The following ASIC2 variants were observed in gnomAD, a reference collection of about 807,000 sequenced individuals.
The protein encoded by ASIC2 is acid-sensing ion channel 2.
A neutral mutation model predicts 57.3 loss-of-function variants in ASIC2; 25 were observed. The ratio of observed to expected loss-of-function variants is 0.44; its 90% CI spans 0.32 to 0.61. ASIC2 has a LOEUF of 0.61. Among genes scored for constraint, ASIC2 ranks in the 20% least tolerant of loss-of-function variants. The probability of loss-of-function intolerance (pLI) is 0.06; values close to 1 mark genes in which losing one functional copy is unlikely to be tolerated. For synonymous variants in ASIC2, 319 were observed against 307.5 expected (o/e 1.04, Z -0.39); for missense variants, 641 against 738.1 (o/e 0.87, Z 1.52).
intron 1 of ASIC2, among the ~76,000 whole-genome samples, chr17:33,368,854 C>T (rs1908928622): frequency 1.3e-5 from 2 of 152,196 alleles, no homozygotes; most frequent in African/African-American, 2.4e-5. Flanking sequence ...ATGCCACAAA[C>T]TTTCCACAGG....
intron 1 of ASIC2, among the ~76,000 whole-genome samples, chr17:33,615,301 C>A (rs1039877831): frequency 1.8e-4 from 28 of 152,130 alleles, no homozygotes; most frequent in Admixed American, 2.6e-4. Context: ...CTTAAAAGTA[C>A]CTGTTATTTC....
intron 1 of ASIC2, among the ~76,000 whole-genome samples, chr17:33,724,449 G>A (rs12603161): frequency 0.095 from 14,499 of 152,210 alleles, 792 homozygotes; most frequent in East Asian, 0.16. Context: ...AGTAGACATT[G>A]GTGAGATCCA....
intron 1 of ASIC2, among the ~76,000 whole-genome samples, chr17:34,131,646 C>T (rs1567833105): frequency 6.6e-6 from 1 of 152,224 alleles, no homozygotes; most frequent in Non-Finnish European, 1.5e-5. Flanking sequence ...TGAGCCTAAA[C>T]CCTGTCCACA....
intron 3 of ASIC2, among the ~76,000 whole-genome samples, chr17:33,037,553 G>A (rs2091914361): frequency 6.6e-6 from 1 of 152,074 alleles, no homozygotes; most frequent in African/African-American, 2.4e-5. Flanking sequence ...TTACCAATGA[G>A]TGTCTGAAAG....
At chr17:33,516,720 T>C (rs925536722) in intron 1 of ASIC2, among the ~76,000 whole-genome samples, 22 of 152,336 alleles carry the variant, frequency 1.4e-4, no homozygotes, top group African/African-American at 5.3e-4. Context: ...TTTTGTCTCC[T>C]TGGAGGTGCC....
intron 1 of ASIC2, among the ~76,000 whole-genome samples, chr17:34,030,697 CAGG>C (rs773345332): frequency 6.6e-6 from 1 of 152,194 alleles, no homozygotes; most frequent in Non-Finnish European, 1.5e-5. Flanking sequence ...AACGGCACAC[CAGG>C]AGATTATATC....
intron 1 of ASIC2, among the ~76,000 whole-genome samples, chr17:33,839,476 T>C (rs533739729): frequency 3.9e-5 from 6 of 152,074 alleles, no homozygotes; most frequent in African/African-American, 1.4e-4. Flanking sequence ...ATTTATTGTC[T>C]CCCAGCCCCA....
chr17:33,341,137 A>T (rs1907705082), intron 1 of ASIC2, among the ~76,000 whole-genome samples: 1 of 152,176 alleles, frequency 6.6e-6, no homozygotes, highest in Non-Finnish European at 1.5e-5. Context: ...GTGGTAATCA[A>T]ATGTTAGTGT....
At chr17:33,904,450 T>C (rs1415090912) in intron 1 of ASIC2, among the ~76,000 whole-genome samples, 2 of 152,190 alleles carry the variant, frequency 1.3e-5, no homozygotes, top group Non-Finnish European at 2.9e-5. Flanking sequence ...TTTAAAAATA[T>C]AGGTATCTGA....
At chr17:34,140,294 A>G (rs11080253) in intron 1 of ASIC2, among the ~76,000 whole-genome samples, 29,657 of 152,096 alleles carry the variant, frequency 0.19, 3,559 homozygotes, top group South Asian at 0.36. Context: ...GCGGGGACCA[A>G]TATGGAAGGA....
intron 1 of ASIC2, among the ~76,000 whole-genome samples, chr17:33,610,054 G>GCGCATGCACACA (rs375575593): frequency 3.1e-4 from 45 of 144,848 alleles, no homozygotes; most frequent in Non-Finnish European, 4.4e-4. Context: ...GGACAGAGGC[G>GCGCATGCACACA]CACACACACA....
chr17:34,039,841 C>T, intron 1 of ASIC2: 1 of 1,606,952 alleles, frequency 6.2e-7, no homozygotes, highest in South Asian at 1.1e-5. Flanking sequence ...TTTCTGCCGT[C>T]GTGGGTCCAG....
chr17:33,646,383 G>A (rs935861179), intron 1 of ASIC2, among the ~76,000 whole-genome samples: 5 of 152,202 alleles, frequency 3.3e-5, no homozygotes, highest in Non-Finnish European at 5.9e-5. Context: ...TGATTGGCCA[G>A]ATCCCAAGAT....
Position 33,235,324 on chromosome 17 carries a change from C to T in ASIC2, c.708+56084G>A, listed in dbSNP as rs1908252743. Among the ~76,000 whole-genome samples, 6 of 152,302 alleles carry T rather than the reference C, an allele frequency of 3.9e-5. No homozygotes were observed. The South Asian group carries it at 1.2e-3, about 32-fold the overall frequency. ...AGGGCTCCACTCCTGGCCTCCCTCC[C>T]TGTGGGGCTGACGTGGGAGGGAGTT... On this transcript the variant is annotated intron_variant, in intron 1 of 9. Transcript: ENST00000225823.
At chr17:33,107,293 G>C (rs947347399) in intron 2 of ASIC2, among the ~76,000 whole-genome samples, 1 of 152,202 alleles carries the variant, frequency 6.6e-6, no homozygotes, top group African/African-American at 2.4e-5. Flanking sequence ...GAAGGTTTCT[G>C]TGGTCAAAGG....
At chr17:33,905,175 G>C (rs1008162904) in intron 1 of ASIC2, among the ~76,000 whole-genome samples, 1 of 108,972 alleles carries the variant, frequency 9.2e-6, no homozygotes, top group Admixed American at 1.3e-4. Context: ...TCCACTTAGC[G>C]TTCTTGCCTT....
intron 1 of ASIC2, chr17:34,037,779 A>G (rs1237998990): frequency 6.2e-7 from 1 of 1,614,206 alleles, no homozygotes. Context: ...TAGGCCAAGC[A>G]TCGTCGAATC....
intron 1 of ASIC2, among the ~76,000 whole-genome samples, chr17:34,098,701 T>A (rs1910633248): frequency 6.6e-6 from 1 of 152,146 alleles, no homozygotes; most frequent in Admixed American, 6.5e-5. Flanking sequence ...ATAGAAAGAA[T>A]TAGCATCATT....
At chr17:33,900,958 C>A (rs1307146886) in intron 1 of ASIC2, among the ~76,000 whole-genome samples, 1 of 152,220 alleles carries the variant, frequency 6.6e-6, no homozygotes, top group African/African-American at 2.4e-5. Flanking sequence ...TTCACAGCTT[C>A]CAGGCTCCTG....
Sources: allele counts gnomAD v4.1 joint callset (sites outside exome capture counted in the v4.1 genomes callset), GRCh38; gene constraint gnomAD v4.1.1; transcripts MANE v1.5; gene names NCBI Gene and HGNC (gene_info 2026-07-23, HGNC 2026-07-21).